DOHH: variants seen among roughly 807,000 people sequenced by gnomAD.
DOHH encodes the protein HEAT-like (PBS lyase) repeat containing 1.
DOHH carries 16 observed loss-of-function variants against 19.9 expected under a neutral mutation model. The observed-to-expected ratio is 0.80, with a 90% confidence interval of 0.54 to 1.22. DOHH has a LOEUF of 1.22. Ranked by LOEUF, DOHH falls within the 50% of genes most tolerant of loss-of-function variation. The probability of loss-of-function intolerance (pLI) is 0.00; values close to 1 mark genes in which losing one functional copy is unlikely to be tolerated. For missense variants in DOHH, 460 were observed against 460.6 expected, an observed-to-expected ratio of 1.00 and a Z score of 0.01; for synonymous variants, 233 against 217.0, an observed-to-expected ratio of 1.07 and a Z score of -0.65.
rs1203218919 is a variant in DOHH at position 3,496,046 on chromosome 19, C to G, written c.274+495G>C. On this transcript the variant is annotated intron_variant, in intron 2 of 4. Transcript: ENST00000427575. The surrounding 1 kb of genome is among the most constrained non-coding windows in gnomAD (Gnocchi z 4.8). ...GTTTTTTCACAGACAGGATCTCACT[C>G]TGTTGCCCAGGCTGGAGTGCGGTGG... Among the ~76,000 whole-genome samples the G allele has an allele frequency of 3.3e-5, 5 of 152,170 alleles. No individual in the cohort carries two copies. The highest frequency in any genetic ancestry group is 4.8e-5 in the African/African-American group (2 of 41,434).
rs371941994 is a variant in DOHH at position 3,491,537 on chromosome 19, G to A, written c.864C>T (p.Phe288=). The A allele has an allele frequency of 6.2e-5, 95 of 1,535,550 alleles. No individual in the cohort carries two copies. The highest frequency in any genetic ancestry group is 7.0e-6 in the Non-Finnish European group (8 of 1,146,720). ...GCTGCTCCAGGCCGTCCGCGTACTG[G>A]AAGGCCCGCCCGGTCTCGTGCTCAT... is the stretch of plus-strand genomic sequence containing the variant. The part of the protein sequence containing the change: ...DMYEHETGRA[F]QYADGLEQLR... Residue 288 remains phenylalanine (F), a synonymous_variant, in exon 5 of 5, where the codon TTC becomes TTT. Coordinates refer to ENST00000427575, the MANE Select transcript of DOHH (RefSeq NM_001145165.2). This position sits in a 1 kb window ranked among gnomAD's most constrained non-coding sequence, Gnocchi z 5.6.
rs575868015 is a variant in DOHH at position 3,495,024 on chromosome 19, G to A, written c.275-920C>T. The stretch of plus-strand genomic sequence containing the variant: ...CTTCGCTCTTGTGACCCAGGCTAGA[G>A]TACAATGGCGCGATCTCCACTCACT... On this transcript the variant is annotated intron_variant, in intron 2 of 4. Transcript: ENST00000427575. 7.3e-5 allele frequency among the ~76,000 whole-genome samples: 11 copies of A among 151,484 alleles called. No homozygotes were observed. In the East Asian group the frequency reaches 2.1e-3, roughly 29 times the overall value.
chr19:3,497,494 C>T (rs908599244), intron 1 of DOHH, among the ~76,000 whole-genome samples: 3 of 152,234 alleles, frequency 2.0e-5, no homozygotes, highest in Non-Finnish European at 4.4e-5. Flanking sequence ...CCAAGCGAAC[C>T]TTCAGATGAT....
chr19:3,496,907 C>A lies in DOHH; in HGVS notation c.-72-21G>T. The A allele has an allele frequency of 2.2e-6, 3 of 1,373,148 alleles. No individual in the cohort carries two copies. The highest frequency in any genetic ancestry group is 9.5e-7 in the Non-Finnish European group (1 of 1,057,876). The allele number at this position is 1,373,148 out of a possible 1,614,324, so 85.1% of individuals were successfully genotyped here. On this transcript the variant is annotated intron_variant, in intron 1 of 4. Transcript: ENST00000427575. The surrounding 1 kb of genome is among the most constrained non-coding windows in gnomAD (Gnocchi z 4.8). ...AGAACCTGTGGCAGAAAAATGAGAGCCCAGGTTAGAAGCCCCCTTCACCAG... is the reference window on the plus strand; with the variant it reads ...AGAACCTGTGGCAGAAAAATGAGAGACCAGGTTAGAAGCCCCCTTCACCAG...
rs571551282 is a variant in DOHH, at chr19:3,494,640, G to A, written c.275-536C>T. 5.3e-5 allele frequency among the ~76,000 whole-genome samples: 8 copies of A among 152,376 alleles called. No individual in the cohort carries two copies. The South Asian group carries it at 1.7e-3, about 32-fold the overall frequency. Reference sequence around the variant, plus strand: ...AGTGCAGGCGTCGCAAGCCCAGGTCGGAGCAAGGCTGGCGGCGGCTCCCCG... The same window carrying A: ...AGTGCAGGCGTCGCAAGCCCAGGTCAGAGCAAGGCTGGCGGCGGCTCCCCG... On this transcript the variant is annotated intron_variant, in intron 2 of 4. Transcript: ENST00000427575.
chr19:3,498,119 C>A (rs1302053880), intron 1 of DOHH, among the ~76,000 whole-genome samples: 1 of 152,146 alleles, frequency 6.6e-6, no homozygotes, highest in Admixed American at 6.5e-5. Flanking sequence ...TCCAGCCACA[C>A]AGGCCTCCTC....
intron 3 of DOHH, among the ~76,000 whole-genome samples, 189 bp downstream of exon 3, chr19:3,493,839 C>T (rs962953863): frequency 8.5e-5 from 13 of 152,068 alleles, no homozygotes; most frequent in African/African-American, 9.7e-5. Flanking sequence ...CCAAATGGGG[C>T]GCAGCAAGTG....
In DOHH at chr19:3,492,334, A is replaced by G; in HGVS notation, c.517T>C (p.Phe173Leu). The G allele has an allele frequency of 6.5e-7, 1 of 1,543,972 alleles. No individual in the cohort carries two copies. The highest frequency in any genetic ancestry group is 8.7e-7 in the Non-Finnish European group (1 of 1,152,466). Residue 173 changes from phenylalanine to leucine, a missense_variant, in exon 4 of 5, where the codon TTC becomes CTC. Coordinates refer to ENST00000427575, the MANE Select transcript of DOHH (RefSeq NM_001145165.2). ...GCGAACATGGCGCGGTATCGCTCGA[A>G]GAGCGGCCGGGACTCATCCAGCAGC... Reference protein sequence around the residue: ...EALLDESRPLFERYRAMFALR... With the variant: ...EALLDESRPLLERYRAMFALR...
In DOHH at chr19:3,496,521, G is replaced by A. The variant is rs755185270; in HGVS notation, c.274+20C>T. 4 of 1,598,514 alleles carry A rather than the reference G, an allele frequency of 2.5e-6. No homozygotes were observed. Among genetic ancestry groups the A allele is most frequent in the Non-Finnish European group, 3.4e-6 (4 of 1,170,776 alleles). On this transcript the variant is annotated intron_variant, in intron 2 of 4. Coordinates refer to ENST00000427575, the MANE Select transcript of DOHH (RefSeq NM_001145165.2). This position sits in a 1 kb window ranked among gnomAD's most constrained non-coding sequence, Gnocchi z 4.8. ...TGAGGCAGGAGGGAGCAGGTGCCCG[G>A]GACACAGACAGGTGCTCACCTGCCT...
At chr19:3,493,491 T>C (rs2082886030) in intron 3 of DOHH, among the ~76,000 whole-genome samples, 1 of 151,528 alleles carries the variant, frequency 6.6e-6, no homozygotes, top group South Asian at 2.1e-4. Flanking sequence ...GCGCCTGTAG[T>C]CCCAGCTACT....
rs1351138277 is a variant in DOHH at position 3,491,569 on chromosome 19, C to G, written c.832G>C (p.Asp278His). 1 of 1,536,020 alleles carries G rather than the reference C, an allele frequency of 6.5e-7. No homozygotes were observed. The highest frequency in any genetic ancestry group is 8.7e-7 in the Non-Finnish European group (1 of 1,146,762). The change falls in exon 5 of 5, where the codon GAC (aspartate) becomes CAC (histidine). Residue 278 changes from aspartate (D) to histidine (H), a missense_variant. Asp to His is a moderately conservative substitution (Grantham distance 81). Transcript: ENST00000427575. The surrounding 1 kb of genome is among the most constrained non-coding windows in gnomAD (Gnocchi z 5.6). Reference sequence around the variant, plus strand: ...CGCCCGGTCTCGTGCTCATACATGTCCAGAGCCACCTCGCAGCTCTCACGC... The same window carrying G: ...CGCCCGGTCTCGTGCTCATACATGTGCAGAGCCACCTCGCAGCTCTCACGC... The part of the protein sequence containing the change: ...VVRESCEVAL[D>H]MYEHETGRAF...
chr19:3,491,884 G>A lies in DOHH; in HGVS notation c.590-73C>T. The A allele has an allele frequency of 7.4e-7, 1 of 1,346,064 alleles. No homozygotes were observed. Among genetic ancestry groups the A allele is most frequent in the Non-Finnish European group, 9.7e-7 (1 of 1,030,786 alleles). 83.4% of individuals were successfully genotyped at this position (1,346,064 alleles called of 1,614,324 possible). A position where few individuals can be genotyped will look rare whatever the true frequency, so the allele number is the denominator to read the frequency against. ...GAGCTCTGTCTTTTCGAAGACATGG[G>A]GTCTTGCTATCTTGCCCAGGCAGGT... On this transcript the variant is annotated intron_variant, in intron 4 of 4. Transcript: ENST00000427575. This position sits in a 1 kb window ranked among gnomAD's most constrained non-coding sequence, Gnocchi z 5.6.
chr19:3,496,744 C>T lies in DOHH; in HGVS notation c.71G>A (p.Arg24His), dbSNP rs1206778680. The change falls in exon 2 of 5, where the codon CGC becomes CAC. Residue 24 changes from arginine (R) to histidine (H), a missense_variant. Physicochemically the swap from Arg to His is conservative, Grantham distance 29. Coordinates refer to ENST00000427575, the MANE Select transcript of DOHH (RefSeq NM_001145165.2). This position sits in a 1 kb window ranked among gnomAD's most constrained non-coding sequence, Gnocchi z 4.8. ...ACGCAGCGTGAACAGCGCCCGGAAG[C>T]GGGCCTGCAGGGGCTGCTTGGGGTC... Reference protein sequence around the residue: ...LVDPKQPLQARFRALFTLRGL... With the variant: ...LVDPKQPLQAHFRALFTLRGL... 4.3e-6 allele frequency: 7 copies of T among 1,611,454 alleles called. No homozygotes were observed. The highest frequency in any genetic ancestry group is 1.1e-5 in the South Asian group (1 of 91,018).
chr19:3,492,177 G>T, intron 4 of DOHH, 85 bp downstream of exon 4: 1 of 1,250,774 alleles, frequency 8.0e-7, no homozygotes, highest in Non-Finnish European at 1.0e-6. Flanking sequence ...CCCGGGGGCA[G>T]GCCGCGGCCC....
At position 3,491,644 on chromosome 19, in the gene DOHH, CG is replaced by C; in HGVS notation, c.756del (p.Ala253ProfsTer75). The part of the protein sequence containing the change: ...CAEALGAIAR[P>X]ACLAALQAHA... ...TGAGCCTGCAGCGCGGCCAGGCAGG[CG>C]GGCCGGGCAATGGCGCCCAGGGCCT... On this transcript the variant is annotated frameshift_variant, in exon 5 of 5. Transcript: ENST00000427575. LOFTEE classifies it low-confidence loss of function (END_TRUNC). This position sits in a 1 kb window ranked among gnomAD's most constrained non-coding sequence, Gnocchi z 5.6. 6.5e-7 allele frequency: 1 copy of C among 1,534,912 alleles called. No individual in the cohort carries two copies. The highest frequency in any genetic ancestry group is 8.7e-7 in the Non-Finnish European group (1 of 1,145,106).
intron 2 of DOHH, among the ~76,000 whole-genome samples, chr19:3,494,499 CCT>C (rs994107580): frequency 1.3e-5 from 2 of 152,094 alleles, no homozygotes; most frequent in African/African-American, 2.4e-5. Context: ...AGAGTGAGAC[CCT>C]GTCTCAAAAA....
Position 3,491,496 on chromosome 19 carries a change from G to A in DOHH, c.905C>T (p.Ser302Phe). Residue 302 changes from serine to phenylalanine, a missense_variant, in exon 5 of 5, where the codon TCC (serine) becomes TTC (phenylalanine). Ser to Phe is a radical substitution (Grantham distance 155). Transcript: ENST00000427575. The surrounding 1 kb of genome is among the most constrained non-coding windows in gnomAD (Gnocchi z 5.6). Reference sequence around the variant, plus strand: ...GCTCCGGGTGAGGGTGGGGCCCTAGGAGGGGGCCCCGCGCAGCTGCTCCAG... The same window carrying A: ...GCTCCGGGTGAGGGTGGGGCCCTAGAAGGGGGCCCCGCGCAGCTGCTCCAG... Reference protein sequence around the residue: ...DGLEQLRGAPS With the variant: ...DGLEQLRGAPF 1 of 1,533,506 alleles carries A rather than the reference G, an allele frequency of 6.5e-7. No individual in the cohort carries two copies. The highest frequency in any genetic ancestry group is 1.2e-5 in the South Asian group (1 of 83,868). The allele number at this position is 1,533,506 out of a possible 1,614,324, so 95.0% of individuals were successfully genotyped here.
In DOHH at chr19:3,496,704, T is replaced by C. The variant is rs1455750652; in HGVS notation, c.111A>G (p.Pro37=). 6.2e-7 allele frequency: 1 copy of C among 1,613,462 alleles called. No individual in the cohort carries two copies. Among genetic ancestry groups the C allele is most frequent in the Admixed American group, 1.7e-5 (1 of 60,006 alleles). The part of the protein sequence containing the change: ...ALFTLRGLGG[P]GAIAWISQAF... ...CCTGGCTGATCCATGCAATGGCGCC[T>C]GGGCCGCCGAGCCCACGCAGCGTGA... Residue 37 remains proline (P), a synonymous_variant, in exon 2 of 5, where the codon CCA becomes CCG. Transcript: ENST00000427575. This position sits in a 1 kb window ranked among gnomAD's most constrained non-coding sequence, Gnocchi z 4.8.
chr19:3,493,788 G>A (rs368825282), intron 3 of DOHH, among the ~76,000 whole-genome samples: 18 of 152,172 alleles, frequency 1.2e-4, no homozygotes, highest in African/African-American at 3.4e-4. Context: ...CTCAAGGCCC[G>A]GGATGGAAGC....
Sources: gnomAD v4.1 joint callset for allele counts (sites outside exome capture counted in the v4.1 genomes callset) on GRCh38, gnomAD v4.1.1 for gene constraint, Gnocchi (gnomAD v3.1) non-coding constraint, MANE v1.5 for transcripts, NCBI Gene and HGNC (gene_info 2026-07-23, HGNC 2026-07-21) for gene names.